The following KLRG1 variants were observed in gnomAD, a reference collection of about 807,000 sequenced individuals.
KLRG1 encodes killer cell lectin-like receptor subfamily G member 1.
A neutral mutation model predicts 21.8 loss-of-function variants in KLRG1; 16 were observed. The observed-to-expected ratio is 0.73, with a 90% confidence interval of 0.50 to 1.11. The LOEUF (loss-of-function observed/expected upper bound fraction) is 1.11. Ranked by LOEUF, KLRG1 falls within the 50% of genes most tolerant of loss-of-function variation. KLRG1 has a pLI of 0.00. For synonymous variants in KLRG1, 69 were observed against 75.9 expected (o/e 0.91, Z 0.47); for missense variants, 173 against 218.3 (o/e 0.79, Z 1.31).
the KLRG1 span, among the ~76,000 whole-genome samples, chr12:9,198,512 GAC>G: frequency 6.6e-6 from 1 of 152,000 alleles, no homozygotes; most frequent in Non-Finnish European, 1.5e-5. Context: ...AAAATGCACA[GAC>G]ACACGCACAC....
chr12:9,079,564 A>G, the KLRG1 span: 2 of 1,393,810 alleles, frequency 1.4e-6, no homozygotes, highest in African/African-American at 2.8e-5. Context: ...CATAATATTC[A>G]TAAGTAACTG....
chr12:9,068,239 A>C, the KLRG1 span: 14 of 1,602,898 alleles, frequency 8.7e-6, no homozygotes, highest in African/African-American at 2.7e-5. Flanking sequence ...AAAAAAAAAA[A>C]CCAACAAAAA....
the KLRG1 span, among the ~76,000 whole-genome samples, chr12:9,138,508 G>A: frequency 6.6e-6 from 1 of 151,434 alleles, no homozygotes; most frequent in Admixed American, 6.6e-5. Flanking sequence ...GTAGCAGTGT[G>A]CTACTGGCCT....
At chr12:9,137,228 AT>A in the KLRG1 span, among the ~76,000 whole-genome samples, 1 of 152,122 alleles carries the variant, frequency 6.6e-6, no homozygotes, top group African/African-American at 2.4e-5. Context: ...TAAACATCAA[AT>A]TTTATTGTTT....
chr12:9,018,713 G>A, the KLRG1 span, among the ~76,000 whole-genome samples: 1 of 147,214 alleles, frequency 6.8e-6, no homozygotes, highest in Admixed American at 6.8e-5. Context: ...AAAGAAGGAA[G>A]GAAGGAAGGA....
At chr12:9,155,884 T>C in the KLRG1 span, 1 of 156,132 alleles carries the variant, frequency 6.4e-6, no homozygotes, top group African/African-American at 2.4e-5. Context: ...TTTGTTAACA[T>C]TTTTCCATTT....
chr12:9,028,767 CA>C, the KLRG1 span: 1 of 582,710 alleles, frequency 1.7e-6, no homozygotes. Flanking sequence ...ATGCCATCAA[CA>C]AACATATTTT....
the KLRG1 span, among the ~76,000 whole-genome samples, chr12:9,045,146 A>G: frequency 6.6e-6 from 1 of 152,204 alleles, no homozygotes; most frequent in Non-Finnish European, 1.5e-5. Context: ...AGGAAAAAAA[A>G]CTGAAATACT....
the KLRG1 span, chr12:9,162,755 C>T: frequency 1.1e-6 from 1 of 901,124 alleles, no homozygotes; most frequent in Non-Finnish European, 1.7e-6. Context: ...ATGATGTTTA[C>T]CATCCTACTC....
the KLRG1 span, among the ~76,000 whole-genome samples, chr12:9,059,168 C>T: frequency 3.9e-5 from 6 of 152,316 alleles, no homozygotes; most frequent in African/African-American, 1.4e-4. Context: ...AGCTAGTCAT[C>T]TGAGATGATT....
chr12:9,029,645 A>G, the KLRG1 span, among the ~76,000 whole-genome samples: 1 of 152,188 alleles, frequency 6.6e-6, no homozygotes, highest in East Asian at 1.9e-4. Context: ...ATAAAGTCAA[A>G]ACTGTCATTT....
At chr12:9,051,851 C>G in the KLRG1 span, among the ~76,000 whole-genome samples, 1 of 152,222 alleles carries the variant, frequency 6.6e-6, no homozygotes, top group South Asian at 2.1e-4. Context: ...TGTTTTCTGT[C>G]CTAAGCCTTA....
intron 3 of KLRG1, among the ~76,000 whole-genome samples, chr12:9,000,432 C>T (rs1214510280): frequency 6.6e-6 from 1 of 152,104 alleles, no homozygotes; most frequent in Non-Finnish European, 1.5e-5. Context: ...ATAAAATGTA[C>T]TATTTTAACC....
chr12:9,208,381 C>T, the KLRG1 span: 3 of 1,551,240 alleles, frequency 1.9e-6, no homozygotes, highest in South Asian at 2.2e-5. Flanking sequence ...AACTCTCTGC[C>T]CTCAGCCTCG....
At chr12:9,123,057 T>C in the KLRG1 span, among the ~76,000 whole-genome samples, 1 of 152,200 alleles carries the variant, frequency 6.6e-6, no homozygotes, top group African/African-American at 2.4e-5. Flanking sequence ...ATAAAACATG[T>C]TAATTTTTAT....
intron 1 of KLRG1, among the ~76,000 whole-genome samples, chr12:8,950,998 A>T (rs1317805289): frequency 6.6e-6 from 1 of 151,918 alleles, no homozygotes; most frequent in African/African-American, 2.4e-5. Context: ...AGTTCAGGCT[A>T]GGTAGTAATC....
Position 8,995,933 on chromosome 12 carries a change from C to T in KLRG1, c.357+645C>T, listed in dbSNP as rs758762739. ...TCCTGACCTTGTGATCTGCCCGCCT[C>T]GGCCTCCCAAAGTGCTGGGATTACA... On this transcript the variant is annotated intron_variant, in intron 3 of 4. Coordinates refer to ENST00000356986, the MANE Select transcript of KLRG1 (RefSeq NM_005810.4). Among the ~76,000 whole-genome samples, 20 of 152,200 alleles carry T rather than the reference C, an allele frequency of 1.3e-4. No homozygotes were observed. The South Asian group carries it at 2.7e-3, about 21-fold the overall frequency.
chr12:9,215,000 C>T, the KLRG1 span, among the ~76,000 whole-genome samples: 1 of 151,946 alleles, frequency 6.6e-6, no homozygotes, highest in African/African-American at 2.4e-5. Flanking sequence ...ACCCATTTAA[C>T]CCATTATCAG....
At chr12:9,175,170 A>G in the KLRG1 span, among the ~76,000 whole-genome samples, 12 of 152,290 alleles carry the variant, frequency 7.9e-5, no homozygotes, top group Non-Finnish European at 1.0e-4. Context: ...ACCTACAACC[A>G]TCTGATCTTT....
Sources: gnomAD v4.1 joint callset for allele counts (sites outside exome capture counted in the v4.1 genomes callset) on GRCh38, gnomAD v4.1.1 for gene constraint, MANE v1.5 for transcripts, NCBI Gene and HGNC (gene_info 2026-07-23, HGNC 2026-07-21) for gene names.